Variants in FOXN3 observed in about 807,000 individuals in gnomAD.
FOXN3 encodes the protein forkhead box protein N3.
FOXN3 carries 7 observed loss-of-function variants against 38.4 expected under a neutral mutation model. That is an observed-to-expected ratio of 0.18 (90% CI 0.10 to 0.34). The LOEUF is 0.34. FOXN3 is among the 10% of genes least tolerant of loss of function. The pLI is 1.00. For missense variants in FOXN3, 456 were observed against 613.4 expected (o/e 0.74, Z 2.71); for synonymous variants, 230 against 242.2 (o/e 0.95, Z 0.47).
chr14:89,495,767 G>A (rs759552121), intron 1 of FOXN3, among the ~76,000 whole-genome samples: 3 of 152,178 alleles, frequency 2.0e-5, no homozygotes, highest in Non-Finnish European at 2.9e-5. Flanking sequence ...TGACTCTCAT[G>A]AGAGTTCCAC....
intron 4 of FOXN3, among the ~76,000 whole-genome samples, chr14:89,189,015 T>C (rs1022721062): frequency 1.3e-5 from 2 of 151,912 alleles, no homozygotes; most frequent in Non-Finnish European, 2.9e-5. Flanking sequence ...TGGCTGGAGG[T>C]CTGAGTTTGG....
intron 2 of FOXN3, among the ~76,000 whole-genome samples, chr14:89,403,854 A>C (rs1369204818): frequency 6.6e-6 from 1 of 152,210 alleles, no homozygotes; most frequent in Non-Finnish European, 1.5e-5. Flanking sequence ...AGTCACTGTG[A>C]GGAGTAGAAA....
chr14:89,501,848 C>CA (rs1893806699), intron 1 of FOXN3, among the ~76,000 whole-genome samples: 1 of 149,514 alleles, frequency 6.7e-6, no homozygotes, highest in African/African-American at 2.5e-5. Flanking sequence ...AACTCCATCT[C>CA]AAAAAAACAA....
chr14:89,449,256 G>A (rs936920066), intron 1 of FOXN3, among the ~76,000 whole-genome samples: 1 of 152,196 alleles, frequency 6.6e-6, no homozygotes, highest in African/African-American at 2.4e-5. Context: ...GGCAATGCCA[G>A]CAGGCTATCT....
At chr14:89,513,150 G>GAA (rs36003791) in intron 1 of FOXN3, among the ~76,000 whole-genome samples, 28,845 of 101,596 alleles carry the variant, frequency 0.28, 4,279 homozygotes, top group Non-Finnish European at 0.32. Context: ...TCCATCTCAG[G>GAA]AAAAAAAAAA....
At position 89,570,160 on chromosome 14, in the gene FOXN3, C is replaced by T. The variant is rs12432595; in HGVS notation, c.-15+48868G>A. On this transcript the variant is annotated intron_variant, in intron 1 of 6. Transcript: ENST00000345097. ...AACTACAGGTGCATGCCACCACGCC[C>T]GGCTAATTTTTTGTATTTTTAGTAG... 3.0e-3 allele frequency among the ~76,000 whole-genome samples: 461 copies of T among 152,114 alleles called. 2 individuals carry two copies. The highest frequency in any genetic ancestry group is 0.01 in the African/African-American group (429 of 41,494).
intron 1 of FOXN3, among the ~76,000 whole-genome samples, chr14:89,414,798 G>A (rs996304742): frequency 9.9e-5 from 15 of 152,108 alleles, no homozygotes; most frequent in South Asian, 2.1e-4. Context: ...TGATCCACCC[G>A]CCTCGGCCTC....
At chr14:89,441,287 C>T (rs1566657412) in intron 1 of FOXN3, among the ~76,000 whole-genome samples, 1 of 152,176 alleles carries the variant, frequency 6.6e-6, no homozygotes, top group Non-Finnish European at 1.5e-5. Context: ...TCACTAACAC[C>T]AGTCTCTCCT....
At chr14:89,506,507 G>A (rs1434392442) in intron 1 of FOXN3, among the ~76,000 whole-genome samples, 1 of 148,974 alleles carries the variant, frequency 6.7e-6, no homozygotes, top group Admixed American at 6.6e-5. Context: ...GAGGTGGGGG[G>A]GTCAGCCCCC....
At chr14:89,541,717 G>T (rs1894793367) in intron 1 of FOXN3, among the ~76,000 whole-genome samples, 1 of 152,096 alleles carries the variant, frequency 6.6e-6, no homozygotes, top group Non-Finnish European at 1.5e-5. Context: ...TCTTGCATGA[G>T]ATTCAAGAAC....
intron 4 of FOXN3, among the ~76,000 whole-genome samples, chr14:89,223,534 C>A (rs1884537037): frequency 6.6e-6 from 1 of 152,244 alleles, no homozygotes; most frequent in South Asian, 2.1e-4. Flanking sequence ...GAACTGCATT[C>A]CTGGGCAGCC....
intron 1 of FOXN3, among the ~76,000 whole-genome samples, chr14:89,618,844 A>C (rs1192014209): frequency 2.6e-5 from 4 of 151,326 alleles, no homozygotes; most frequent in Non-Finnish European, 5.9e-5. Context: ...CCATGGCTGG[A>C]TCTTTCCCAT....
At chr14:89,221,698 T>C (rs1488643477) in intron 4 of FOXN3, among the ~76,000 whole-genome samples, 1 of 152,218 alleles carries the variant, frequency 6.6e-6, no homozygotes, top group Admixed American at 6.5e-5. Flanking sequence ...GGCTGGGAAG[T>C]AAAGTATCCC....
At chr14:89,615,786 C>T (rs1896483175) in intron 1 of FOXN3, among the ~76,000 whole-genome samples, 1 of 152,130 alleles carries the variant, frequency 6.6e-6, no homozygotes, top group Admixed American at 6.5e-5. Context: ...ATTTCATAAT[C>T]CCATGTTGTC....
At chr14:89,228,457 G>A (rs1380242687) in intron 4 of FOXN3, among the ~76,000 whole-genome samples, 2 of 152,050 alleles carry the variant, frequency 1.3e-5, no homozygotes, top group Non-Finnish European at 1.5e-5. Context: ...TGGCTTGCTG[G>A]GCCATTTCAA....
chr14:89,530,102 G>A (rs1219795770), intron 1 of FOXN3, among the ~76,000 whole-genome samples: 2 of 152,028 alleles, frequency 1.3e-5, no homozygotes, highest in Non-Finnish European at 2.9e-5. Flanking sequence ...ACCACGCCTG[G>A]CTAATTTTTG....
chr14:89,363,947 A>AATATATATATATATATAT (rs67802765), intron 2 of FOXN3, among the ~76,000 whole-genome samples: 77 of 111,310 alleles, frequency 6.9e-4, no homozygotes, highest in African/African-American at 1.9e-3. Context: ...CTGTCTGTAA[A>AATATATATATATATATAT]ATATATATAT....
intron 1 of FOXN3, among the ~76,000 whole-genome samples, chr14:89,467,785 C>CCTTTT (rs1192658291): frequency 7.3e-6 from 1 of 136,640 alleles, no homozygotes; most frequent in Non-Finnish European, 1.6e-5. Flanking sequence ...TCTTCTTCTT[C>CCTTTT]CTTTTCTTTT....
intron 5 of FOXN3, among the ~76,000 whole-genome samples, chr14:89,175,075 A>G (rs967405282): frequency 6.6e-6 from 1 of 152,250 alleles, no homozygotes; most frequent in Non-Finnish European, 1.5e-5. Flanking sequence ...AGATAAAGAC[A>G]GCTGATCCGG....
Sources: allele counts gnomAD v4.1 joint callset (sites outside exome capture counted in the v4.1 genomes callset), GRCh38; gene constraint gnomAD v4.1.1; transcripts MANE v1.5; gene names NCBI Gene and HGNC (gene_info 2026-07-23, HGNC 2026-07-21).